Variants in RBMS3 observed in about 807,000 individuals in gnomAD.
RBMS3 encodes the protein RNA binding motif single stranded interacting protein 3.
In RBMS3, 27 loss-of-function variants were observed where a neutral mutation model predicts 66.8. That is an observed-to-expected ratio of 0.40 (90% CI 0.30 to 0.56). The LOEUF is 0.56. Ranked by LOEUF, RBMS3 falls within the 20% of genes least tolerant of loss-of-function variation. The pLI is 0.40. For missense variants in RBMS3, 513 were observed against 549.5 expected, an observed-to-expected ratio of 0.93 and a Z score of 0.66; for synonymous variants, 188 against 183.0, an observed-to-expected ratio of 1.03 and a Z score of -0.22.
intron 3 of RBMS3, among the ~76,000 whole-genome samples, chr3:29,558,360 A>G (rs1444817041): frequency 2.0e-5 from 3 of 152,174 alleles, no homozygotes; most frequent in African/African-American, 7.2e-5. Context: ...GGAACTAGCA[A>G]TGCAGATTAC....
At position 29,795,957 on chromosome 3, in the gene RBMS3, T is replaced by C. The variant is rs371997792; in HGVS notation, c.637+32968T>C. ...TGGTTGATTCCAGAGGGGTAGGAAATGGATATGAACAAATCATATAATTCT... is the reference window on the plus strand; with the variant it reads ...TGGTTGATTCCAGAGGGGTAGGAAACGGATATGAACAAATCATATAATTCT... On this transcript the variant is annotated intron_variant, in intron 6 of 14. Coordinates refer to ENST00000383767, the MANE Select transcript of RBMS3 (RefSeq NM_001003793.3). 2.0e-5 allele frequency among the ~76,000 whole-genome samples: 3 copies of C among 152,290 alleles called. No homozygotes were observed. The South Asian group carries it at 6.2e-4, about 32-fold the overall frequency.
chr3:29,575,133 C>A (rs1417794651), intron 3 of RBMS3, among the ~76,000 whole-genome samples: 4 of 152,126 alleles, frequency 2.6e-5, no homozygotes, highest in South Asian at 2.1e-4. Flanking sequence ...ACATCTTCTT[C>A]TTTCAGATTG....
intron 5 of RBMS3, among the ~76,000 whole-genome samples, chr3:29,756,711 C>T (rs78362550): frequency 6.6e-6 from 1 of 152,076 alleles, no homozygotes; most frequent in South Asian, 2.1e-4. Context: ...TTCTTCCCAG[C>T]AACTACAAAA....
chr3:29,335,536 C>G (rs1486665432), intron 1 of RBMS3, among the ~76,000 whole-genome samples: 2 of 152,184 alleles, frequency 1.3e-5, no homozygotes, highest in African/African-American at 4.8e-5. Flanking sequence ...AGCAAATGTG[C>G]TTAAAGCAGC....
intron 4 of RBMS3, among the ~76,000 whole-genome samples, chr3:29,720,292 G>T (rs1468191823): frequency 6.6e-6 from 1 of 152,150 alleles, no homozygotes; most frequent in African/African-American, 2.4e-5. Flanking sequence ...TGTATCATAT[G>T]TAGCCATTGT....
At chr3:29,866,428 C>T (rs73831075) in intron 6 of RBMS3, among the ~76,000 whole-genome samples, 1,730 of 152,248 alleles carry the variant, frequency 0.011, 40 homozygotes, top group African/African-American at 0.039. Context: ...GAAATTGGAA[C>T]CAGTTTCTTT....
intron 6 of RBMS3, among the ~76,000 whole-genome samples, chr3:29,817,853 T>G (rs1044617727): frequency 8.5e-5 from 13 of 152,160 alleles, no homozygotes; most frequent in African/African-American, 3.1e-4. Context: ...GTTTCAACAG[T>G]CTACTTCAGT....
intron 1 of RBMS3, among the ~76,000 whole-genome samples, chr3:29,358,486 T>C (rs981098327): frequency 1.3e-5 from 2 of 152,204 alleles, no homozygotes; most frequent in African/African-American, 4.8e-5. Flanking sequence ...GTGTGATGCC[T>C]CCAGCTTTGT....
At chr3:29,897,279 G>A (rs908807026) in intron 8 of RBMS3, 100 bp from the exon 9 acceptor site, 16 of 1,009,608 alleles carry the variant, frequency 1.6e-5, no homozygotes, top group South Asian at 8.1e-5. Context: ...AAAAACGTGC[G>A]GGTGGAAATA....
intron 1 of RBMS3, among the ~76,000 whole-genome samples, chr3:29,407,407 T>C (rs2040072833): frequency 6.6e-6 from 1 of 152,158 alleles, no homozygotes; most frequent in African/African-American, 2.4e-5. Context: ...TACCGCTGCA[T>C]TCTGTGGCTG....
intron 1 of RBMS3, among the ~76,000 whole-genome samples, chr3:29,297,119 T>G (rs13093377): frequency 0.22 from 33,688 of 151,508 alleles, 3,964 homozygotes; most frequent in Admixed American, 0.31. Flanking sequence ...GGAGGTCCAA[T>G]TTTTGATTCT....
At chr3:29,850,286 A>T (rs758814303) in intron 6 of RBMS3, among the ~76,000 whole-genome samples, 1 of 152,182 alleles carries the variant, frequency 6.6e-6, no homozygotes, top group East Asian at 1.9e-4. Flanking sequence ...TAACTTTTTA[A>T]TGCTTCTTAA....
intron 1 of RBMS3, among the ~76,000 whole-genome samples, chr3:29,380,675 G>A (rs771635740): frequency 1.1e-4 from 16 of 152,184 alleles, no homozygotes; most frequent in Non-Finnish European, 1.5e-5. Context: ...GCAGGTCAGT[G>A]AGGCTCAAAT....
chr3:29,366,599 A>G (rs2037920611), intron 1 of RBMS3, among the ~76,000 whole-genome samples: 1 of 151,666 alleles, frequency 6.6e-6, no homozygotes, highest in African/African-American at 2.4e-5. Flanking sequence ...TGCCAAGCTG[A>G]TCTGGGATCA....
intron 6 of RBMS3, among the ~76,000 whole-genome samples, chr3:29,780,239 A>C (rs2056582180): frequency 6.6e-6 from 1 of 151,906 alleles, no homozygotes; most frequent in East Asian, 1.9e-4. Flanking sequence ...CTTTGAATTG[A>C]TTATAACTAG....
chr3:29,535,701 A>C (rs1233569628), intron 3 of RBMS3, among the ~76,000 whole-genome samples: 2 of 103,446 alleles, frequency 1.9e-5, no homozygotes, highest in African/African-American at 8.1e-5. Context: ...AATGATTGAG[A>C]TCATTGCTCT....
At chr3:29,944,186 T>A in intron 11 of RBMS3, 21 bp from the exon 12 acceptor site, 1 of 1,566,470 alleles carries the variant, frequency 6.4e-7, no homozygotes, top group Non-Finnish European at 8.8e-7. Context: ...GCATTCTTTC[T>A]CATGCTCTTT....
intron 1 of RBMS3, among the ~76,000 whole-genome samples, chr3:29,339,994 A>G (rs1352536951): frequency 6.6e-6 from 1 of 152,130 alleles, no homozygotes; most frequent in Admixed American, 6.5e-5. Flanking sequence ...GTGCAAAAAC[A>G]CCAAGTTGGG....
intron 4 of RBMS3, among the ~76,000 whole-genome samples, chr3:29,631,086 T>A (rs763962936): frequency 6.6e-6 from 1 of 151,966 alleles, no homozygotes; most frequent in African/African-American, 2.4e-5. Flanking sequence ...AGGTATTTAG[T>A]TGGTATTAAG....
Sources: allele counts gnomAD v4.1 joint callset (sites outside exome capture counted in the v4.1 genomes callset), GRCh38; gene constraint gnomAD v4.1.1; transcripts MANE v1.5; gene names NCBI Gene and HGNC (gene_info 2026-07-23, HGNC 2026-07-21).